Variants in TRDN observed in about 807,000 individuals in gnomAD.
TRDN encodes the protein triadin in skeletal muscle.
Under a neutral mutation model 149.7 loss-of-function variants are expected in TRDN, and 161 were observed. That is an observed-to-expected ratio of 1.08 (90% CI 0.95 to 1.23). The LOEUF is 1.23. Among genes scored for constraint, TRDN ranks in the 50% most tolerant of loss-of-function variants. The probability of loss-of-function intolerance (pLI) is 0.00; values close to 1 mark genes in which losing one functional copy is unlikely to be tolerated. For synonymous variants in TRDN, 294 were observed against 250.5 expected (o/e 1.17, Z -1.64); for missense variants, 896 against 823.5 (o/e 1.09, Z -1.08).
At chr6:123,468,253 T>G (rs960923853) in intron 9 of TRDN, among the ~76,000 whole-genome samples, 3 of 152,182 alleles carry the variant, frequency 2.0e-5, no homozygotes, top group African/African-American at 7.2e-5. Flanking sequence ...AGATTGTTAT[T>G]CTCTGAAGGA....
chr6:123,378,024 G>C (rs1191901169), intron 16 of TRDN, 126 bp from the exon 17 acceptor site: 22 of 600,214 alleles, frequency 3.7e-5, no homozygotes, highest in Non-Finnish European at 5.6e-6. Context: ...ACTAATAATG[G>C]CTTACATAAA....
intron 12 of TRDN, chr6:123,421,468 A>G (rs1476319604): frequency 6.6e-6 from 1 of 152,088 alleles, no homozygotes; most frequent in Non-Finnish European, 1.5e-5. Context: ...ACCTGATAGG[A>G]ATATCAGGAT....
chr6:123,352,121 TA>T (rs1015578538), intron 21 of TRDN: 15 of 983,966 alleles, frequency 1.5e-5, no homozygotes, highest in East Asian at 2.3e-4. Context: ...AACTTTTACA[TA>T]TTTTTTTTCA....
At chr6:123,529,271 T>C in intron 5 of TRDN, 1 of 1,548,998 alleles carries the variant, frequency 6.5e-7, no homozygotes, top group African/African-American at 1.4e-5. Flanking sequence ...AGTCAATCCG[T>C]ACTCAAGAGC....
intron 38 of TRDN, among the ~76,000 whole-genome samples, chr6:123,224,719 A>G (rs1384452623): frequency 6.6e-6 from 1 of 151,762 alleles, no homozygotes; most frequent in African/African-American, 2.4e-5. Flanking sequence ...CAAAAGGATG[A>G]AAGTGGACCT....
At chr6:123,439,380 T>A (rs1774752669) in intron 10 of TRDN, among the ~76,000 whole-genome samples, 1 of 152,252 alleles carries the variant, frequency 6.6e-6, no homozygotes, top group Non-Finnish European at 1.5e-5. Context: ...GCAGATAAAC[T>A]AGAAGAATTA....
intron 9 of TRDN, among the ~76,000 whole-genome samples, chr6:123,472,256 T>A (rs1198166600): frequency 6.6e-6 from 1 of 152,146 alleles, no homozygotes; most frequent in Non-Finnish European, 1.5e-5. Flanking sequence ...GGGGGAGGCA[T>A]TGCCTCAGTC....
chr6:123,346,703 G>A lies in TRDN; in HGVS notation c.1369+5836C>T, dbSNP rs570206277. ...GAGGACACAAGTTTGTGTTTTAAAA[G>A]ATAAACCATATTATATTTAATAGAT... On this transcript the variant is annotated intron_variant, in intron 21 of 40. Transcript: ENST00000334268. 3.3e-5 allele frequency among the ~76,000 whole-genome samples: 5 copies of A among 152,028 alleles called. No homozygotes were observed. In the East Asian group the frequency reaches 9.7e-4, roughly 29 times the overall value.
chr6:123,332,800 G>A (rs557284068), intron 22 of TRDN, among the ~76,000 whole-genome samples: 1 of 152,062 alleles, frequency 6.6e-6, no homozygotes, highest in South Asian at 2.1e-4. Flanking sequence ...TGATGGTGGT[G>A]CTTGTAAATG....
At position 123,246,038 on chromosome 6, in the gene TRDN, G is replaced by T. The variant is rs1282232131; in HGVS notation, c.1975+6374C>A. Among the ~76,000 whole-genome samples the T allele has an allele frequency of 3.3e-5, 5 of 152,046 alleles. No individual in the cohort carries two copies. In the East Asian group the frequency reaches 9.7e-4, roughly 29 times the overall value. On this transcript the variant is annotated intron_variant, in intron 38 of 40. Transcript: ENST00000334268. Reference sequence around the variant, plus strand: ...GAAATAAATGAGTTCTTTGGCAGCAGTGAGAATGAAGACACAATGTACCAG... The same window carrying T: ...GAAATAAATGAGTTCTTTGGCAGCATTGAGAATGAAGACACAATGTACCAG...
intron 37 of TRDN, among the ~76,000 whole-genome samples, chr6:123,254,103 A>T (rs966313223): frequency 4.6e-5 from 7 of 152,112 alleles, no homozygotes; most frequent in African/African-American, 1.7e-4. Context: ...AGTAAACAAT[A>T]GGAAAAGGTA....
intron 20 of TRDN, among the ~76,000 whole-genome samples, chr6:123,359,735 G>A (rs1295915809): frequency 6.6e-5 from 10 of 152,226 alleles, no homozygotes; most frequent in African/African-American, 1.9e-4. Context: ...TCGCTCTGTC[G>A]CCCAGGCTGG....
intron 4 of TRDN, among the ~76,000 whole-genome samples, chr6:123,541,574 G>A (rs1297216179): frequency 6.6e-6 from 1 of 152,124 alleles, no homozygotes; most frequent in Non-Finnish European, 1.5e-5. Context: ...CCATGCTTGG[G>A]AAAGACAGGT....
chr6:123,380,345 T>C (rs1781667066), intron 16 of TRDN, among the ~76,000 whole-genome samples: 1 of 152,190 alleles, frequency 6.6e-6, no homozygotes, highest in Non-Finnish European at 1.5e-5. Flanking sequence ...TTTAATACTA[T>C]TTTTCGAATC....
Position 123,337,426 on chromosome 6 carries a change from G to A in TRDN, c.1420+193C>T, listed in dbSNP as rs1562267800. On this transcript the variant is annotated intron_variant, in intron 22 of 40. Coordinates refer to ENST00000334268, the MANE Select transcript of TRDN (RefSeq NM_006073.4). ...GGGATTTTTGGGAATTGTAATCAGA[G>A]CACTTTCTTGGTAATAATGAGAAGA... is the stretch of plus-strand genomic sequence containing the variant. Among the ~76,000 whole-genome samples, 3 of 151,446 alleles carry A rather than the reference G, an allele frequency of 2.0e-5. No individual in the cohort carries two copies. In the East Asian group the frequency reaches 5.8e-4, roughly 29 times the overall value.
chr6:123,624,351 G>C (rs1489830015), intron 1 of TRDN, among the ~76,000 whole-genome samples: 1 of 152,080 alleles, frequency 6.6e-6, no homozygotes, highest in Non-Finnish European at 1.5e-5. Flanking sequence ...AATCCTGAGG[G>C]ACTGGGCAGA....
At chr6:123,554,654 C>T (rs1335953101) in intron 2 of TRDN, among the ~76,000 whole-genome samples, 1 of 152,124 alleles carries the variant, frequency 6.6e-6, no homozygotes, top group Non-Finnish European at 1.5e-5. Context: ...TTCTTTAGAA[C>T]TTTCCCAATG....
At chr6:123,269,814 G>A (rs779684034) in intron 31 of TRDN, 35 bp downstream of exon 31, 117 of 1,603,426 alleles carry the variant, frequency 7.3e-5, no homozygotes, top group Non-Finnish European at 8.7e-5. Context: ...ATGGTCAAGC[G>A]ATATTTCTCA....
intron 4 of TRDN, among the ~76,000 whole-genome samples, chr6:123,545,773 G>T (rs1781081352): frequency 6.6e-6 from 1 of 151,912 alleles, no homozygotes. Flanking sequence ...GCAAAAATTT[G>T]ATTTGCTGAA....
Sources: allele counts gnomAD v4.1 joint callset (sites outside exome capture counted in the v4.1 genomes callset), GRCh38; gene constraint gnomAD v4.1.1; transcripts MANE v1.5; gene names NCBI Gene and HGNC (gene_info 2026-07-23, HGNC 2026-07-21).